SYT9: variants seen among roughly 807,000 people sequenced by gnomAD.
The protein encoded by SYT9 is synaptotagmin 9, also known as synaptotagmin-9.
In SYT9, 22 loss-of-function variants were observed where a neutral mutation model predicts 48.4. The ratio of observed to expected loss-of-function variants is 0.45; its 90% confidence interval spans 0.32 to 0.65. The LOEUF (loss-of-function observed/expected upper bound fraction) is 0.65. Ranked by LOEUF, SYT9 falls within the 30% of genes least tolerant of loss-of-function variation. SYT9 has a pLI of 0.03. For synonymous variants in SYT9, 265 were observed against 245.0 expected (o/e 1.08, Z -0.76); for missense variants, 577 against 622.0 (o/e 0.93, Z 0.77).
At chr11:7,453,882 GC>G in intron 6 of SYT9, 1 of 537,998 alleles carries the variant, frequency 1.9e-6, no homozygotes, top group Non-Finnish European at 2.4e-6. Flanking sequence ...AGGCCAGGGC[GC>G]AGAGGGCATG....
chr11:7,282,092 A>C (rs1350735870), intron 1 of SYT9, among the ~76,000 whole-genome samples: 1 of 152,176 alleles, frequency 6.6e-6, no homozygotes, highest in African/African-American at 2.4e-5. Flanking sequence ...CTTGGCTGCT[A>C]TTTCAGCCAT....
At position 7,466,831 on chromosome 11, in the gene SYT9, A is replaced by G; in HGVS notation, c.*31A>G. The G allele has an allele frequency of 6.8e-6, 11 of 1,609,542 alleles. No homozygotes were observed. Among genetic ancestry groups the G allele is most frequent in the Non-Finnish European group, 9.3e-6 (11 of 1,178,594 alleles). On this transcript the variant is annotated 3_prime_UTR_variant, in exon 7 of 7. Transcript: ENST00000318881. ...GGTAAGAGGACTGCTTGTGCCAAGG[A>G]CAAAATAGGACAACCATCTCACAAA... is the stretch of plus-strand genomic sequence containing the variant.
chr11:7,439,855 C>A (rs770262433), intron 6 of SYT9: 1 of 152,204 alleles, frequency 6.6e-6, no homozygotes, highest in Non-Finnish European at 1.5e-5. Context: ...AAGATGGGGA[C>A]ATGCTCCCAG....
At chr11:7,319,690 G>A (rs995263665) in intron 3 of SYT9, among the ~76,000 whole-genome samples, 8 of 152,204 alleles carry the variant, frequency 5.3e-5, no homozygotes, top group Non-Finnish European at 1.2e-4. Context: ...GTCTAAGACA[G>A]GCATGATGTT....
intron 3 of SYT9, among the ~76,000 whole-genome samples, chr11:7,405,693 G>A (rs1846994594): frequency 6.6e-6 from 1 of 152,120 alleles, no homozygotes; most frequent in Non-Finnish European, 1.5e-5. Context: ...TTAAAAATCT[G>A]GATGATTATT....
intron 3 of SYT9, among the ~76,000 whole-genome samples, chr11:7,393,052 A>T (rs1485155452): frequency 6.6e-6 from 1 of 152,230 alleles, no homozygotes; most frequent in East Asian, 1.9e-4. Context: ...AAAGAGAGAT[A>T]ATTTGACTTC....
chr11:7,303,157 C>T lies in SYT9; in HGVS notation c.264C>T (p.Pro88=), dbSNP rs369887588. 15 of 1,614,074 alleles carry T rather than the reference C, an allele frequency of 9.3e-6. No individual in the cohort carries two copies. In the African/African-American group the frequency reaches 1.5e-4, roughly 16 times the overall value. Residue 88 remains proline (P), a synonymous_variant, in exon 2 of 7, where the codon CCC becomes CCT. Transcript: ENST00000318881. ...TTCCGTGGCGAGAACGAGGCCTGCC[C>T]TCTGGTAGCAAAGACAACAACCAGG... The part of the protein sequence containing the change: ...CWVPWRERGL[P]SGSKDNNQEP...
chr11:7,312,193 T>C (rs1405378141), intron 2 of SYT9, among the ~76,000 whole-genome samples: 3 of 152,190 alleles, frequency 2.0e-5, no homozygotes. Flanking sequence ...AGAGGAATGC[T>C]CAGCATAACA....
rs1849193530 is a variant in SYT9 at position 7,313,891 on chromosome 11, G to A, written c.994G>A (p.Asp332Asn). Residue 332 changes from aspartate to asparagine, a missense_variant, in exon 3 of 7, where the codon GAT becomes AAT. Coordinates refer to ENST00000318881, the MANE Select transcript of SYT9 (RefSeq NM_175733.4). ...VVVDHFLDLA[D>N]FPRECILWKD... ...GGTGGATCACTTCCTAGACTTGGCT[G>A]ATTTCCCCAGGGAGTGCATCCTTTG... The A allele has an allele frequency of 6.2e-7, 1 of 1,614,040 alleles. No individual in the cohort carries two copies. Among genetic ancestry groups the A allele is most frequent in the Middle Eastern group, 1.6e-4 (1 of 6,062 alleles).
At chr11:7,293,964 C>G (rs1848740548) in intron 1 of SYT9, among the ~76,000 whole-genome samples, 1 of 152,156 alleles carries the variant, frequency 6.6e-6, no homozygotes, top group Admixed American at 6.5e-5. Context: ...GTGTCTAAGT[C>G]TATTTGGGCT....
chr11:7,294,473 G>A (rs1848755201), intron 1 of SYT9, among the ~76,000 whole-genome samples: 1 of 152,208 alleles, frequency 6.6e-6, no homozygotes, highest in South Asian at 2.1e-4. Flanking sequence ...TCTTCCAGCT[G>A]TGAACCTGTG....
intron 1 of SYT9, among the ~76,000 whole-genome samples, chr11:7,293,994 G>T (rs764377366): frequency 7.2e-5 from 11 of 152,296 alleles, no homozygotes; most frequent in South Asian, 2.1e-4. Context: ...GAATGCAATG[G>T]ACTAGATGGC....
Position 7,469,033 on chromosome 11 carries a change from T to C in SYT9, c.*2233T>C, listed in dbSNP as rs1483609387. The C allele has an allele frequency of 6.6e-6, 1 of 152,212 alleles. No individual in the cohort carries two copies. The highest frequency in any genetic ancestry group is 6.5e-5 in the Admixed American group (1 of 15,276). 9.4% of individuals were successfully genotyped at this position (152,212 alleles called of 1,614,324 possible). A position where few individuals can be genotyped will look rare whatever the true frequency, so the allele number is the denominator to read the frequency against. On this transcript the variant is annotated 3_prime_UTR_variant, in exon 7 of 7. Coordinates refer to ENST00000318881, the MANE Select transcript of SYT9 (RefSeq NM_175733.4). Reference sequence around the variant, plus strand: ...CCTTTAGTTTCCTAGTAAATGCTCCTTTTGAAAAACTCCAACCTTGTCTTA... The same window carrying C: ...CCTTTAGTTTCCTAGTAAATGCTCCCTTTGAAAAACTCCAACCTTGTCTTA...
At chr11:7,302,486 G>A (rs936872639) in intron 1 of SYT9, among the ~76,000 whole-genome samples, 23 of 152,194 alleles carry the variant, frequency 1.5e-4, no homozygotes, top group African/African-American at 5.3e-4. Flanking sequence ...GGTTGTTCTT[G>A]AAGCTGCAAA....
intron 3 of SYT9, among the ~76,000 whole-genome samples, chr11:7,372,309 C>G (rs1850376963): frequency 6.6e-6 from 1 of 152,044 alleles, no homozygotes; most frequent in African/African-American, 2.4e-5. Context: ...TTTTCTCTCT[C>G]TCGCTCTGTG....
At chr11:7,376,610 T>A (rs1185321457) in intron 3 of SYT9, among the ~76,000 whole-genome samples, 1 of 152,102 alleles carries the variant, frequency 6.6e-6, no homozygotes, top group African/African-American at 2.4e-5. Flanking sequence ...GACCTTGGGC[T>A]GTTACCAAGA....
chr11:7,461,911 T>C (rs1212944433), intron 6 of SYT9, among the ~76,000 whole-genome samples: 1 of 152,250 alleles, frequency 6.6e-6, no homozygotes, highest in Non-Finnish European at 1.5e-5. Context: ...CCTTTGCTTC[T>C]TGATTGTTTC....
At chr11:7,295,429 A>G (rs534083032) in intron 1 of SYT9, among the ~76,000 whole-genome samples, 8 of 152,332 alleles carry the variant, frequency 5.3e-5, no homozygotes, top group Admixed American at 2.6e-4. Flanking sequence ...TATGTTCTTC[A>G]TTCCTCTCTG....
chr11:7,457,968 G>T (rs1287589430), intron 6 of SYT9: 1 of 152,168 alleles, frequency 6.6e-6, no homozygotes, highest in East Asian at 1.9e-4. Context: ...TTCTGTTCAA[G>T]TAAGAATCAA....
Sources: allele counts gnomAD v4.1 joint callset (sites outside exome capture counted in the v4.1 genomes callset), GRCh38; gene constraint gnomAD v4.1.1; transcripts MANE v1.5; gene names NCBI Gene and HGNC (gene_info 2026-07-23, HGNC 2026-07-21).